The following BUB1 variants were observed in gnomAD, a reference collection of about 807,000 sequenced individuals.
BUB1 encodes mitotic checkpoint serine/threonine-protein kinase BUB1.
BUB1 carries 84 observed loss-of-function variants against 135.2 expected under a neutral mutation model. The observed-to-expected ratio is 0.62, with a 90% CI of 0.52 to 0.74. The LOEUF (loss-of-function observed/expected upper bound fraction) is 0.74, where lower values mean the gene tolerates loss of function less well. Among genes scored for constraint, BUB1 ranks in the 30% least tolerant of loss-of-function variants. BUB1 has a pLI of 0.00. For synonymous variants in BUB1, 403 were observed against 434.4 expected (o/e 0.93, Z 0.90); for missense variants, 1,162 against 1,288.3 (o/e 0.90, Z 1.50).
chr2:110,672,890 T>A, intron 3 of BUB1, 33 bp from the exon 4 acceptor site: 1 of 1,523,666 alleles, frequency 6.6e-7, no homozygotes, highest in Non-Finnish European at 8.8e-7. Context: ...GACATAAGAA[T>A]AATGGAACTG....
At chr2:110,665,005 AG>A (rs1396923931) in intron 9 of BUB1, among the ~76,000 whole-genome samples, 2 of 152,230 alleles carry the variant, frequency 1.3e-5, no homozygotes, top group African/African-American at 4.8e-5. Flanking sequence ...TATAGAGGGC[AG>A]ACTGACAGCA....
intron 19 of BUB1, among the ~76,000 whole-genome samples, chr2:110,647,994 T>C (rs536590223): frequency 6.6e-5 from 10 of 152,294 alleles, no homozygotes; most frequent in Middle Eastern, 3.4e-3. Flanking sequence ...CTTACAAAAG[T>C]AAACATACTC....
intron 11 of BUB1, 35 bp downstream of exon 11, chr2:110,659,943 T>C (rs1379949203): frequency 1.3e-6 from 2 of 1,577,974 alleles, no homozygotes; most frequent in East Asian, 2.2e-5. Context: ...CAGAGGAATC[T>C]GGACAGAAAC....
intron 19 of BUB1, chr2:110,642,936 C>T (rs1407784358): frequency 6.5e-6 from 1 of 153,404 alleles, no homozygotes; most frequent in Non-Finnish European, 1.4e-5. Context: ...AAGTGATCCT[C>T]CTGCCTTGGC....
In BUB1 at chr2:110,666,291, T is replaced by C; in HGVS notation, c.929A>G (p.Asp310Gly). 1 of 1,480,540 alleles carries C rather than the reference T, an allele frequency of 6.8e-7. No homozygotes were observed. Among genetic ancestry groups the C allele is most frequent in the Non-Finnish European group, 9.0e-7 (1 of 1,110,066 alleles). The allele number at this position is 1,480,540 out of a possible 1,614,324, so 91.7% of individuals were successfully genotyped here. ...LHQVVETSHE[D>G]LPASQERSEV... ...GGACCTTTCCTGGGAAGCGGGCAGA[T>C]CCTCATGGGATGTCTCCACCACCTG... Residue 310 changes from aspartate (D) to glycine (G), a missense_variant, in exon 9 of 25, where the codon GAT becomes GGT. Transcript: ENST00000302759.
At chr2:110,668,946 A>T (rs1459270476) in intron 6 of BUB1, among the ~76,000 whole-genome samples, 1 of 152,208 alleles carries the variant, frequency 6.6e-6, no homozygotes, top group Non-Finnish European at 1.5e-5. Context: ...GTGAACCTGG[A>T]AACATAAGAG....
chr2:110,653,405 A>T, intron 17 of BUB1, 31 bp downstream of exon 17: 1 of 1,584,582 alleles, frequency 6.3e-7, no homozygotes. Context: ...AAATGAAGAG[A>T]ATGGCAGAAC....
chr2:110,672,969 G>T, intron 3 of BUB1, 112 bp from the exon 4 acceptor site: 1 of 1,071,494 alleles, frequency 9.3e-7, no homozygotes, highest in Non-Finnish European at 1.3e-6. Context: ...GATGGGAGCT[G>T]GTCATCAGCA....
intron 21 of BUB1, 45 bp from the exon 22 acceptor site, chr2:110,641,509 T>A: frequency 6.4e-7 from 1 of 1,570,458 alleles, no homozygotes; most frequent in Non-Finnish European, 8.6e-7. Context: ...TGCACAAGAT[T>A]AATAAAATTT....
At position 110,637,583 on chromosome 2, in the gene BUB1, GAA is replaced by G. The variant is rs1689395138; in HGVS notation, c.*379_*380del. On this transcript the variant is annotated 3_prime_UTR_variant, in exon 25 of 25. Transcript: ENST00000302759. ...CTTGAAGTCCCTTGGAAATGTTAGG[GAA>G]GTGTGTGTGTGTGTGTGTGTGTGTG... The G allele has an allele frequency of 1.1e-5, 1 of 87,032 alleles. No homozygotes were observed. The highest frequency in any genetic ancestry group is 1.4e-4 in the Admixed American group (1 of 7,246). The allele number at this position is 87,032 out of a possible 1,614,324, so 5.4% of individuals were successfully genotyped here.
chr2:110,667,642 T>G lies in BUB1; in HGVS notation c.684A>C (p.Lys228Asn), dbSNP rs1218238754. 5.6e-6 allele frequency: 9 copies of G among 1,613,886 alleles called. No individual in the cohort carries two copies. The highest frequency in any genetic ancestry group is 7.6e-6 in the Non-Finnish European group (9 of 1,179,988). The change falls in exon 8 of 25, where the codon AAA becomes AAC. Residue 228 changes from lysine to asparagine, a missense_variant. Physicochemically the swap from Lys to Asn is moderately conservative, Grantham distance 94. Transcript: ENST00000302759. ...EYSVHSSLAS[K>N]VDVEQVVMYC... ...ACATAACAACCTGCTCAACATCAAC[T>G]TTGGATGCCAAAGATGAGTGCACAG... is the stretch of plus-strand genomic sequence containing the variant.
At chr2:110,676,894 T>C (rs1191827421) in intron 1 of BUB1, among the ~76,000 whole-genome samples, 2 of 152,090 alleles carry the variant, frequency 1.3e-5, no homozygotes, top group African/African-American at 2.4e-5. Context: ...CTTCTTTTAG[T>C]CATATAAACG....
intron 9 of BUB1, among the ~76,000 whole-genome samples, chr2:110,665,548 TAAA>T (rs750197290): frequency 1.7e-4 from 25 of 143,052 alleles, no homozygotes; most frequent in African/African-American, 5.9e-4. Flanking sequence ...GTCTAAAAAT[TAAA>T]AAAAAAAGAA....
chr2:110,653,793 C>A (rs1689848299), intron 16 of BUB1, among the ~76,000 whole-genome samples: 1 of 152,032 alleles, frequency 6.6e-6, no homozygotes, highest in Non-Finnish European at 1.5e-5. Context: ...CACTTGAGGC[C>A]AGTAGTTTGA....
chr2:110,638,448 A>T (rs538819853), intron 24 of BUB1, among the ~76,000 whole-genome samples: 1 of 152,272 alleles, frequency 6.6e-6, no homozygotes, highest in East Asian at 1.9e-4. Context: ...AAAAACCCAA[A>T]CTATCTGCTT....
In BUB1 at chr2:110,674,123, T is replaced by C. The variant is rs749197878; in HGVS notation, c.188A>G (p.His63Arg). The stretch of plus-strand genomic sequence containing the variant: ...ATAACTGATGAATCTTGGGTCATTG[T>C]GGTATTTCTTCTTATCTAAAAATTC... ...MKEFLDKKKYHNDPRFISYCL... is the reference protein window; with the variant it reads ...MKEFLDKKKYRNDPRFISYCL... The change falls in exon 3 of 25, where the codon CAC becomes CGC. Residue 63 changes from histidine to arginine, a missense_variant. His to Arg is a conservative substitution (Grantham distance 29). Transcript: ENST00000302759. The C allele has an allele frequency of 5.1e-6, 8 of 1,553,436 alleles. No homozygotes were observed. Among genetic ancestry groups the C allele is most frequent in the Non-Finnish European group, 7.1e-6 (8 of 1,126,124 alleles).
Position 110,660,051 on chromosome 2 carries a change from T to G in BUB1, c.1218-15A>C. ...TATTCACACATCTGGAAGAGAAAAC[T>G]CTTGAGACACACTAGAGAATAAAAT... On this transcript the variant is annotated splice_polypyrimidine_tract_variant and intron_variant, in intron 10 of 24. Transcript: ENST00000302759. 1 of 1,605,216 alleles carries G rather than the reference T, an allele frequency of 6.2e-7. No individual in the cohort carries two copies. Among genetic ancestry groups the G allele is most frequent in the Non-Finnish European group, 8.5e-7 (1 of 1,172,984 alleles).
intron 19 of BUB1, among the ~76,000 whole-genome samples, chr2:110,645,220 G>A (rs997873162): frequency 6.6e-6 from 1 of 152,084 alleles, no homozygotes; most frequent in Non-Finnish European, 1.5e-5. Context: ...GATCACCTGA[G>A]GTCAGGAGTT....
chr2:110,669,631 C>A, intron 5 of BUB1, 78 bp from the exon 6 acceptor site: 1 of 891,912 alleles, frequency 1.1e-6, no homozygotes, highest in East Asian at 2.4e-5. Context: ...ATAAATTCCC[C>A]TGATCCTTCC....
Sources: allele counts gnomAD v4.1 joint callset (sites outside exome capture counted in the v4.1 genomes callset), GRCh38; gene constraint gnomAD v4.1.1; transcripts MANE v1.5; gene names NCBI Gene and HGNC (gene_info 2026-07-23, HGNC 2026-07-21).